Variants in LAMA1 observed in about 807,000 individuals in gnomAD.
LAMA1 encodes the protein laminin subunit alpha-1.
In LAMA1, 219 loss-of-function variants were observed where a neutral mutation model predicts 348.7. The ratio of observed to expected loss-of-function variants is 0.63; its 90% CI spans 0.56 to 0.70. The LOEUF is 0.70. LAMA1 is among the 30% of genes least tolerant of loss of function. The pLI, the probability that LAMA1 is intolerant of heterozygous loss-of-function variation, is 0.00. For synonymous variants in LAMA1, 1,487 were observed against 1,491.0 expected (o/e 1.00, Z 0.06); for missense variants, 3,744 against 3,888.0 (o/e 0.96, Z 0.99).
intron 36 of LAMA1, among the ~76,000 whole-genome samples, chr18:6,989,000 A>C (rs964269946): frequency 5.3e-5 from 8 of 152,094 alleles, no homozygotes; most frequent in Non-Finnish European, 1.0e-4. Flanking sequence ...CTAACTGCTA[A>C]GAGTAGCTCA....
intron 48 of LAMA1, among the ~76,000 whole-genome samples, chr18:6,969,875 T>C (rs982886742): frequency 8.5e-5 from 13 of 152,224 alleles, no homozygotes; most frequent in Non-Finnish European, 1.6e-4. Flanking sequence ...AATCATTCAA[T>C]TCATTCAGTG....
chr18:7,034,350 G>C, intron 14 of LAMA1, 129 bp downstream of exon 14: 2 of 737,936 alleles, frequency 2.7e-6, no homozygotes, highest in Non-Finnish European at 4.8e-6. Context: ...TCTTAAGACA[G>C]CCAGATCCTG....
intron 3 of LAMA1, among the ~76,000 whole-genome samples, chr18:7,051,248 G>T (rs1453247530): frequency 6.6e-6 from 1 of 152,116 alleles, no homozygotes; most frequent in African/African-American, 2.4e-5. Context: ...ATACACAAAA[G>T]GGTAACTATG....
chr18:6,978,743 C>T (rs1273365974), intron 42 of LAMA1, among the ~76,000 whole-genome samples: 1 of 152,190 alleles, frequency 6.6e-6, no homozygotes, highest in Admixed American at 6.5e-5. Context: ...AGCTGAACTT[C>T]TTTATTTGGG....
chr18:7,038,310 A>G (rs1426815545), intron 11 of LAMA1, among the ~76,000 whole-genome samples: 1 of 152,048 alleles, frequency 6.6e-6, no homozygotes, highest in East Asian at 1.9e-4. Context: ...CCACCACTGG[A>G]CACCCCTGTT....
chr18:6,981,425 A>G (rs897107328), intron 41 of LAMA1, among the ~76,000 whole-genome samples: 3 of 152,140 alleles, frequency 2.0e-5, no homozygotes. Context: ...TGGCCACCCA[A>G]CTGGAACTCA....
At chr18:7,113,097 G>C (rs530447308) in intron 1 of LAMA1, among the ~76,000 whole-genome samples, 3 of 152,168 alleles carry the variant, frequency 2.0e-5, no homozygotes, top group Non-Finnish European at 4.4e-5. Flanking sequence ...GAGAAGGTGA[G>C]CCAGATAAGT....
intron 1 of LAMA1, among the ~76,000 whole-genome samples, chr18:7,111,007 G>A (rs924073605): frequency 6.6e-6 from 1 of 151,780 alleles, no homozygotes; most frequent in African/African-American, 2.4e-5. Context: ...GGAAACTATG[G>A]AGCAATGGAA....
At chr18:6,979,636 A>T (rs907832076) in intron 42 of LAMA1, among the ~76,000 whole-genome samples, 5 of 152,200 alleles carry the variant, frequency 3.3e-5, no homozygotes, top group African/African-American at 1.2e-4. Flanking sequence ...GCGGTGGCTC[A>T]CGCCTGTAAT....
intron 26 of LAMA1, 21 bp from the exon 27 acceptor site, chr18:7,009,387 T>C (rs2057848629): frequency 6.2e-7 from 1 of 1,613,562 alleles, no homozygotes; most frequent in South Asian, 1.1e-5. Flanking sequence ...AGAAACACAT[T>C]CAATTAAGCT....
chr18:6,955,157 G>A, intron 57 of LAMA1, 196 bp downstream of exon 57: 2 of 610,784 alleles, frequency 3.3e-6, no homozygotes, highest in Non-Finnish European at 5.9e-6. Context: ...AGAAACCACA[G>A]ACTCCCCAGT....
At chr18:7,099,154 A>G (rs1211413510) in intron 1 of LAMA1, among the ~76,000 whole-genome samples, 1 of 151,342 alleles carries the variant, frequency 6.6e-6, no homozygotes, top group African/African-American at 2.4e-5. Context: ...GATCCTGTTG[A>G]TCTGTGACCT....
At chr18:6,995,476 T>C (rs995543401) in intron 33 of LAMA1, 30 bp from the exon 34 acceptor site, 8 of 1,140,078 alleles carry the variant, frequency 7.0e-6, no homozygotes, top group African/African-American at 1.5e-5. Context: ...CAAATTACAA[T>C]GCTTCGAAGT....
intron 1 of LAMA1, among the ~76,000 whole-genome samples, chr18:7,105,532 C>A (rs2058308768): frequency 1.3e-5 from 2 of 152,048 alleles, no homozygotes; most frequent in Non-Finnish European, 2.9e-5. Context: ...GACAGCTAGA[C>A]CCTGGAGTCG....
rs1568029472 is a variant in LAMA1, at chr18:7,010,334, C to G, written c.3739G>C (p.Asp1247His). 2 of 1,614,020 alleles carry G rather than the reference C, an allele frequency of 1.2e-6. No individual in the cohort carries two copies. The highest frequency in any genetic ancestry group is 3.3e-5 in the Admixed American group (2 of 59,998). The change falls in exon 26 of 63, where the codon GAT (aspartate) becomes CAT (histidine). Residue 1247 changes from aspartate (D) to histidine (H), a missense_variant. By Grantham distance (81) the Asp-to-His change is moderately conservative. Around this residue, in one of 3 missense-constraint regions of LAMA1, gnomAD observed 1,529 missense variants for 1,689.4 expected, o/e 0.91. Coordinates refer to ENST00000389658, the MANE Select transcript of LAMA1 (RefSeq NM_005559.4). The part of the protein sequence containing the change: ...LKYSVAFYSL[D>H]GVGTSNFEPQ... ...TCAAAATTGGAGGTGCCGACGCCAT[C>G]CAAAGAATAGAAGGCCACGCTGTAC...
chr18:6,950,575 C>T (rs956148622), intron 58 of LAMA1, among the ~76,000 whole-genome samples: 1 of 152,168 alleles, frequency 6.6e-6, no homozygotes, highest in African/African-American at 2.4e-5. Context: ...GTCTATTTCA[C>T]GTCAGGTACT....
intron 3 of LAMA1, among the ~76,000 whole-genome samples, chr18:7,051,375 C>CTATTTTTTAAAAAAT (rs2058061932): frequency 6.6e-6 from 1 of 152,076 alleles, no homozygotes; most frequent in African/African-American, 2.4e-5. Context: ...AAAATAGAAT[C>CTATTTTTTAAAAAAT]AGTAGCAACT....
At chr18:7,106,035 G>A (rs1238211999) in intron 1 of LAMA1, among the ~76,000 whole-genome samples, 3 of 152,196 alleles carry the variant, frequency 2.0e-5, no homozygotes, top group Non-Finnish European at 2.9e-5. Flanking sequence ...TGGTCTCTAA[G>A]TGCAGGGATT....
At chr18:7,021,985 ATATAAT>A (rs1255449050) in intron 19 of LAMA1, among the ~76,000 whole-genome samples, 1 of 151,608 alleles carries the variant, frequency 6.6e-6, no homozygotes, top group Non-Finnish European at 1.5e-5. Flanking sequence ...TGATATACAC[ATATAAT>A]TATGTCTATT....
Sources: allele counts gnomAD v4.1 joint callset (sites outside exome capture counted in the v4.1 genomes callset), GRCh38; gene constraint gnomAD v4.1.1; regional missense constraint gnomAD v4.1.1; transcripts MANE v1.5; gene names NCBI Gene and HGNC (gene_info 2026-07-23, HGNC 2026-07-21).